Variants in STRN3 observed in about 807,000 individuals in gnomAD.
STRN3 encodes the protein striatin-3.
STRN3 carries 29 observed loss-of-function variants against 95.6 expected under a neutral mutation model. The ratio of observed to expected loss-of-function variants is 0.30; its 90% CI spans 0.23 to 0.41. The LOEUF (loss-of-function observed/expected upper bound fraction) is 0.41, where lower values mean the gene tolerates loss of function less well. Ranked by LOEUF, STRN3 falls within the 10% of genes least tolerant of loss-of-function variation. The pLI is 1.00. For synonymous variants in STRN3, 331 were observed against 357.6 expected (o/e 0.93, Z 0.84); for missense variants, 890 against 972.1 (o/e 0.92, Z 1.12).
intron 1 of STRN3, among the ~76,000 whole-genome samples, chr14:30,971,767 T>TA (rs201159468): frequency 2.9e-3 from 431 of 151,012 alleles, no homozygotes; most frequent in African/African-American, 7.0e-3. Flanking sequence ...ACAGGATGGC[T>TA]AAAAAAAAAG....
intron 1 of STRN3, among the ~76,000 whole-genome samples, chr14:31,002,289 T>C (rs1372302842): frequency 1.3e-5 from 2 of 150,390 alleles, no homozygotes; most frequent in African/African-American, 2.5e-5. Flanking sequence ...CTGCCTAACA[T>C]GGTAAAAACC....
chr14:30,943,929 G>C lies in STRN3; in HGVS notation c.716+3161C>G, dbSNP rs74040964. On this transcript the variant is annotated intron_variant, in intron 5 of 17. Transcript: ENST00000357479. The stretch of plus-strand genomic sequence containing the variant: ...AAAGTTATTGTTTCCAGTCATACCA[G>C]ATGAAAAAGTTCCAGAGAGTTGGAA... Among the ~76,000 whole-genome samples the C allele has an allele frequency of 3.8e-3, 576 of 152,138 alleles. 2 individuals carry two copies. The highest frequency in any genetic ancestry group is 0.013 in the African/African-American group (541 of 41,502).
At chr14:30,962,246 T>G (rs8015705) in intron 1 of STRN3, among the ~76,000 whole-genome samples, 35,337 of 152,134 alleles carry the variant, frequency 0.23, 4,333 homozygotes, top group Non-Finnish European at 0.26. Flanking sequence ...AAGAAAATAT[T>G]TTTATATAGC....
intron 1 of STRN3, among the ~76,000 whole-genome samples, chr14:30,972,468 C>T (rs574110073): frequency 2.5e-4 from 38 of 152,280 alleles, no homozygotes; most frequent in African/African-American, 7.5e-4. Context: ...TGTAAGGGCG[C>T]ACCCTTCTAT....
At chr14:31,017,945 G>A (rs1327323890) in intron 1 of STRN3, among the ~76,000 whole-genome samples, 3 of 151,854 alleles carry the variant, frequency 2.0e-5, no homozygotes, top group African/African-American at 7.3e-5. Context: ...GGGCATGGTG[G>A]TGCATGCCTG....
intron 12 of STRN3, among the ~76,000 whole-genome samples, 172 bp from the exon 13 acceptor site, chr14:30,911,334 CT>C (rs1896604277): frequency 7.6e-6 from 1 of 131,836 alleles, no homozygotes; most frequent in Non-Finnish European, 1.5e-5. Flanking sequence ...GGGTCTCACT[CT>C]GTCACCAGCC....
At chr14:31,003,824 A>G (rs1882588747) in intron 1 of STRN3, among the ~76,000 whole-genome samples, 1 of 129,940 alleles carries the variant, frequency 7.7e-6, no homozygotes, top group Admixed American at 7.8e-5. Context: ...AAAACTTGGT[A>G]GCAAAGCGAG....
chr14:30,899,367 G>T (rs1896243875), intron 16 of STRN3, among the ~76,000 whole-genome samples: 1 of 152,188 alleles, frequency 6.6e-6, no homozygotes, highest in South Asian at 2.1e-4. Flanking sequence ...AGTAGAAATT[G>T]AAAACTTTAA....
intron 16 of STRN3, 33 bp downstream of exon 16, chr14:30,902,502 TA>T: frequency 7.3e-7 from 1 of 1,373,286 alleles, no homozygotes; most frequent in Non-Finnish European, 1.0e-6. Flanking sequence ...AAATTTACAG[TA>T]TTACTAATAT....
intron 1 of STRN3, among the ~76,000 whole-genome samples, chr14:30,967,129 AC>A (rs917500707): frequency 2.8e-4 from 41 of 144,794 alleles, no homozygotes; most frequent in African/African-American, 1.1e-3. Flanking sequence ...ACCTGACACA[AC>A]CCCCCACCCC....
At chr14:31,005,129 C>T (rs374697533) in intron 1 of STRN3, among the ~76,000 whole-genome samples, 4 of 152,092 alleles carry the variant, frequency 2.6e-5, no homozygotes, top group East Asian at 3.9e-4. Flanking sequence ...GTCAGGAGTT[C>T]GAGACCAGCC....
rs543655800 is a variant in STRN3, at chr14:30,987,721, C to A, written c.283-31479G>T. Among the ~76,000 whole-genome samples the A allele has an allele frequency of 5.2e-4, 79 of 151,512 alleles. 2 individuals carry two copies. Among genetic ancestry groups the A allele is most frequent in the South Asian group, 4.6e-3 (22 of 4,800 alleles). Reference sequence around the variant, plus strand: ...TGATTCTGCCCACAATATTTTCTTACATTCAATCAGTTGAATATAATTTTT... The same window carrying A: ...TGATTCTGCCCACAATATTTTCTTAAATTCAATCAGTTGAATATAATTTTT... On this transcript the variant is annotated intron_variant, in intron 1 of 17. Transcript: ENST00000357479.
chr14:31,007,993 G>T lies in STRN3; in HGVS notation c.282+17911C>A, dbSNP rs544225304. Reference sequence around the variant, plus strand: ...GGATCACCTGAGGTCAGGAGTTCAAGACCAGCCTGGCCAACAACATGGTTA... The same window carrying T: ...GGATCACCTGAGGTCAGGAGTTCAATACCAGCCTGGCCAACAACATGGTTA... On this transcript the variant is annotated intron_variant, in intron 1 of 17. Coordinates refer to ENST00000357479, the MANE Select transcript of STRN3 (RefSeq NM_001083893.2). Among the ~76,000 whole-genome samples, 4 of 152,096 alleles carry T rather than the reference G, an allele frequency of 2.6e-5. No homozygotes were observed. The East Asian group carries it at 7.7e-4, about 29-fold the overall frequency.
rs1566420598 is a variant in STRN3, at chr14:30,894,908, TA to T, written c.*502del. 27 of 1,054,276 alleles carry T rather than the reference TA, an allele frequency of 2.6e-5. No individual in the cohort carries two copies. The highest frequency in any genetic ancestry group is 8.3e-5 in the South Asian group (5 of 60,586). The allele number at this position is 1,054,276 out of a possible 1,614,324, so 65.3% of individuals were successfully genotyped here. On this transcript the variant is annotated 3_prime_UTR_variant, in exon 18 of 18. Coordinates refer to ENST00000357479, the MANE Select transcript of STRN3 (RefSeq NM_001083893.2). Reference sequence around the variant, plus strand: ...TTTTCTTTTTCTTTTTTTTTTTTTTTAAAGCAAAATAAGTTTAAAAGGGAAT... The same window carrying T: ...TTTTCTTTTTCTTTTTTTTTTTTTTTAAGCAAAATAAGTTTAAAAGGGAAT...
At chr14:31,011,440 G>A (rs535250257) in intron 1 of STRN3, among the ~76,000 whole-genome samples, 3 of 152,234 alleles carry the variant, frequency 2.0e-5, no homozygotes, top group South Asian at 2.1e-4. Flanking sequence ...ACAGGAGTTC[G>A]AGACCAGCTT....
rs1896101873 is a variant in STRN3 at position 30,895,077 on chromosome 14, A to AAAAAAAAAG, written c.*333_*334insCTTTTTTTT. 1 of 184,230 alleles carries AAAAAAAAAG rather than the reference A, an allele frequency of 5.4e-6. No individual in the cohort carries two copies. Among genetic ancestry groups the AAAAAAAAAG allele is most frequent in the African/African-American group, 2.9e-5 (1 of 34,404 alleles). The allele number at this position is 184,230 out of a possible 1,614,324, so 11.4% of individuals were successfully genotyped here. A position where few individuals can be genotyped will look rare whatever the true frequency, so the allele number is the denominator to read the frequency against. ...CCAAAAAAAAAAAAAAAAAAAAAAAAAAGAAGAAGAAGAAGAGAAAAAAAA... is the reference window on the plus strand; with the variant it reads ...CCAAAAAAAAAAAAAAAAAAAAAAAAAAAAAAAAGAAGAAGAAGAAGAAGAGAAAAAAAA... On this transcript the variant is annotated 3_prime_UTR_variant, in exon 18 of 18. Coordinates refer to ENST00000357479, the MANE Select transcript of STRN3 (RefSeq NM_001083893.2).
intron 4 of STRN3, 117 bp from the exon 5 acceptor site, chr14:30,947,380 G>C: frequency 1.3e-6 from 1 of 773,702 alleles, no homozygotes; most frequent in African/African-American, 1.8e-5. Context: ...CTTTGTCTCA[G>C]TATCTTTCTT....
At chr14:30,929,066 T>C in intron 8 of STRN3, 135 bp downstream of exon 8, 1 of 610,280 alleles carries the variant, frequency 1.6e-6, no homozygotes, top group Non-Finnish European at 2.7e-6. Context: ...ATTTCAATTA[T>C]ACAACAGACA....
chr14:30,938,858 C>T (rs1372879061), intron 5 of STRN3, among the ~76,000 whole-genome samples: 1 of 152,094 alleles, frequency 6.6e-6, no homozygotes, highest in Non-Finnish European at 1.5e-5. Context: ...AGCATATGAA[C>T]AGATGCTCAA....
Sources: gnomAD v4.1 joint callset for allele counts (sites outside exome capture counted in the v4.1 genomes callset) on GRCh38, gnomAD v4.1.1 for gene constraint, MANE v1.5 for transcripts, NCBI Gene and HGNC (gene_info 2026-07-23, HGNC 2026-07-21) for gene names.